Variants in ARL5B observed in about 807,000 individuals in gnomAD.
ARL5B encodes the protein ADP-ribosylation factor-like protein 5B.
A neutral mutation model predicts 26.9 loss-of-function variants in ARL5B; 10 were observed. The observed-to-expected ratio is 0.37, with a 90% CI of 0.23 to 0.63. The LOEUF is 0.63. ARL5B is among the 30% of genes least tolerant of loss of function. The pLI is 0.62. For synonymous variants in ARL5B, 87 were observed against 70.4 expected, an observed-to-expected ratio of 1.24 and a Z score of -1.18; for missense variants, 167 against 213.9, an observed-to-expected ratio of 0.78 and a Z score of 1.37.
At position 18,677,863 on chromosome 10, in the gene ARL5B, A is replaced by C. The variant is rs1257706192; in HGVS notation, c.*2647A>C. On this transcript the variant is annotated 3_prime_UTR_variant, in exon 6 of 6. Coordinates refer to ENST00000377275, the MANE Select transcript of ARL5B (RefSeq NM_178815.5). ...GGTTAGCACAGTTTATAGTAAGTGA[A>C]AAGCAAGGGACCCACCTACATTACC... is the stretch of plus-strand genomic sequence containing the variant. 6.6e-6 allele frequency: 1 copy of C among 152,208 alleles called. No homozygotes were observed. The highest frequency in any genetic ancestry group is 1.5e-5 in the Non-Finnish European group (1 of 67,784). 9.4% of individuals were successfully genotyped at this position (152,208 alleles called of 1,614,324 possible).
intron 1 of ARL5B, among the ~76,000 whole-genome samples, chr10:18,665,408 A>G (rs1200124858): frequency 6.6e-6 from 1 of 152,214 alleles, no homozygotes. Context: ...AGCTTCTACC[A>G]TAGTGAAAAT....
At chr10:18,662,856 A>G (rs1402194606) in intron 1 of ARL5B, among the ~76,000 whole-genome samples, 4 of 150,800 alleles carry the variant, frequency 2.7e-5, no homozygotes, top group Non-Finnish European at 5.9e-5. Flanking sequence ...GGCGCACACC[A>G]CCACTCCGGC....
At chr10:18,669,994 CAAA>C (rs1210060603) in intron 3 of ARL5B, among the ~76,000 whole-genome samples, 1 of 65,110 alleles carries the variant, frequency 1.5e-5, no homozygotes, top group African/African-American at 4.8e-5. Context: ...ACTCTTATCT[CAAA>C]AAAAAAAAAA....
chr10:18,677,067 A>G lies in ARL5B; in HGVS notation c.*1851A>G, dbSNP rs569695125. On this transcript the variant is annotated 3_prime_UTR_variant, in exon 6 of 6. Transcript: ENST00000377275. ...GATGTGGGGGAATTAAGAAAATGCC[A>G]TTTACCTAAGCACAGTTTGCCTGAA... 2.0e-5 allele frequency: 3 copies of G among 152,216 alleles called. No homozygotes were observed. The highest frequency in any genetic ancestry group is 6.6e-5 in the Admixed American group (1 of 15,228). The allele number at this position is 152,216 out of a possible 1,614,324, so 9.4% of individuals were successfully genotyped here. A position where few individuals can be genotyped will look rare whatever the true frequency, so the allele number is the denominator to read the frequency against.
chr10:18,667,117 T>C (rs939502698), intron 2 of ARL5B, among the ~76,000 whole-genome samples: 1 of 152,234 alleles, frequency 6.6e-6, no homozygotes, highest in African/African-American at 2.4e-5. Flanking sequence ...AATCTGTTAA[T>C]ACCTTAGGAA....
chr10:18,662,952 C>T (rs1169739868), intron 1 of ARL5B, among the ~76,000 whole-genome samples: 1 of 151,924 alleles, frequency 6.6e-6, no homozygotes, highest in Non-Finnish European at 1.5e-5. Flanking sequence ...ATCCGCCCGC[C>T]TTGGCCTCCC....
At chr10:18,671,342 T>C (rs1293707591) in intron 3 of ARL5B, among the ~76,000 whole-genome samples, 1 of 152,060 alleles carries the variant, frequency 6.6e-6, no homozygotes, top group Non-Finnish European at 1.5e-5. Flanking sequence ...TGGCTGATTT[T>C]TGTGTTTTTA....
intron 1 of ARL5B, among the ~76,000 whole-genome samples, chr10:18,662,568 G>A (rs532876949): frequency 7.2e-5 from 11 of 152,206 alleles, no homozygotes; most frequent in African/African-American, 2.4e-4. Flanking sequence ...TATGTGTTAT[G>A]TGTGTTTGAT....
At position 18,676,232 on chromosome 10, in the gene ARL5B, T is replaced by A. The variant is rs1294104616; in HGVS notation, c.*1016T>A. 1 of 152,476 alleles carries A rather than the reference T, an allele frequency of 6.6e-6. No individual in the cohort carries two copies. Among genetic ancestry groups the A allele is most frequent in the Non-Finnish European group, 1.5e-5 (1 of 67,896 alleles). 9.4% of individuals were successfully genotyped at this position (152,476 alleles called of 1,614,324 possible). ...GTCATAGCATTTTTACTACCAGCAG[T>A]ATGTTACTTAAAAAACTACATGGCT... On this transcript the variant is annotated 3_prime_UTR_variant, in exon 6 of 6. Coordinates refer to ENST00000377275, the MANE Select transcript of ARL5B (RefSeq NM_178815.5).
At position 18,665,169 on chromosome 10, in the gene ARL5B, G is replaced by T. The variant is rs144405375; in HGVS notation, c.47-1406G>T. Among the ~76,000 whole-genome samples, 318 of 152,246 alleles carry T rather than the reference G, an allele frequency of 2.1e-3. 1 individual carries two copies. The highest frequency in any genetic ancestry group is 3.4e-3 in the Non-Finnish European group (229 of 68,012). ...GATAACAAACAGGGTAATACTTAAA[G>T]ATTAGCTTCATTAGAGGACATGTAG... On this transcript the variant is annotated intron_variant, in intron 1 of 5. Transcript: ENST00000377275.
intron 1 of ARL5B, among the ~76,000 whole-genome samples, chr10:18,661,573 G>T (rs2131636907): frequency 6.6e-6 from 1 of 152,160 alleles, no homozygotes; most frequent in Non-Finnish European, 1.5e-5. Flanking sequence ...TCAGAGTTTA[G>T]CATAGGAGAT....
In ARL5B at chr10:18,659,558, CG is replaced by C; in HGVS notation, c.-79del. The C allele has an allele frequency of 6.7e-7, 1 of 1,491,650 alleles. No homozygotes were observed. 92.4% of individuals were successfully genotyped at this position (1,491,650 alleles called of 1,614,324 possible). A position where few individuals can be genotyped will look rare whatever the true frequency, so the allele number is the denominator to read the frequency against. On this transcript the variant is annotated 5_prime_UTR_variant, in exon 1 of 6. Coordinates refer to ENST00000377275, the MANE Select transcript of ARL5B (RefSeq NM_178815.5). ...CTCAGGCGGGTTCTCCTCGGCTCCG[CG>C]CAGCCCGCGCCGCGGTGGGGGACCC...
intron 1 of ARL5B, among the ~76,000 whole-genome samples, chr10:18,663,008 A>G (rs1294430926): frequency 1.4e-5 from 2 of 142,218 alleles, no homozygotes; most frequent in African/African-American, 5.3e-5. Flanking sequence ...TGGCCCAGTG[A>G]TGTCTTTAAA....
At chr10:18,667,644 T>G (rs1458405271) in intron 2 of ARL5B, among the ~76,000 whole-genome samples, 2 of 152,124 alleles carry the variant, frequency 1.3e-5, no homozygotes, top group African/African-American at 4.8e-5. Flanking sequence ...TTGATTAATG[T>G]AGCTTTACCA....
intron 3 of ARL5B, among the ~76,000 whole-genome samples, chr10:18,671,565 A>T (rs1422728998): frequency 6.6e-6 from 1 of 151,468 alleles, no homozygotes; most frequent in East Asian, 1.9e-4. Flanking sequence ...ACATCATTTC[A>T]TCTCATTTCT....
chr10:18,668,404 T>C, intron 2 of ARL5B, 126 bp from the exon 3 acceptor site: 1 of 969,182 alleles, frequency 1.0e-6, no homozygotes, highest in Non-Finnish European at 1.5e-6. Context: ...TCCAGGTTTA[T>C]AATTTTCATG....
chr10:18,673,042 GT>G (rs936894190), intron 4 of ARL5B, among the ~76,000 whole-genome samples: 5 of 146,530 alleles, frequency 3.4e-5, no homozygotes, highest in Non-Finnish European at 1.5e-5. Context: ...TAACTGAAAG[GT>G]TTTTTTTTTG....
At chr10:18,668,016 A>G (rs763009437) in intron 2 of ARL5B, among the ~76,000 whole-genome samples, 2 of 152,152 alleles carry the variant, frequency 1.3e-5, no homozygotes, top group African/African-American at 2.4e-5. Context: ...AAATATATCT[A>G]TAGTTAATTT....
intron 3 of ARL5B, among the ~76,000 whole-genome samples, chr10:18,670,294 T>G (rs748741195): frequency 2.0e-5 from 3 of 152,070 alleles, no homozygotes; most frequent in Non-Finnish European, 2.9e-5. Context: ...TAAAATAATG[T>G]TCTGAAACTA....
Sources: allele counts gnomAD v4.1 joint callset (sites outside exome capture counted in the v4.1 genomes callset), GRCh38; gene constraint gnomAD v4.1.1; transcripts MANE v1.5; gene names NCBI Gene and HGNC (gene_info 2026-07-23, HGNC 2026-07-21).